The following PTBP3 variants were observed in gnomAD, a reference collection of about 807,000 sequenced individuals.
PTBP3 encodes polypyrimidine tract binding protein 3, also known as polypyrimidine tract-binding protein 3.
PTBP3 carries 20 observed loss-of-function variants against 58.7 expected under a neutral mutation model. The ratio of observed to expected loss-of-function variants is 0.34; its 90% CI spans 0.24 to 0.50. PTBP3 has a LOEUF of 0.50. Among genes scored for constraint, PTBP3 ranks in the 20% least tolerant of loss-of-function variants. PTBP3 has a pLI of 0.98. For missense variants in PTBP3, 509 were observed against 637.2 expected, an observed-to-expected ratio of 0.80 and a Z score of 2.17; for synonymous variants, 185 against 219.8, an observed-to-expected ratio of 0.84 and a Z score of 1.40.
chr9:112,321,475 G>A (rs1325312434), intron 1 of PTBP3, among the ~76,000 whole-genome samples: 2 of 149,700 alleles, frequency 1.3e-5, no homozygotes, highest in African/African-American at 2.5e-5. Context: ...GTTGCAGTAA[G>A]CCAAGATCGC....
At chr9:112,290,707 T>TATACACACAC (rs377603008) in intron 2 of PTBP3, among the ~76,000 whole-genome samples, 4 of 110,920 alleles carry the variant, frequency 3.6e-5, no homozygotes, top group African/African-American at 1.6e-4. Flanking sequence ...TATATATATA[T>TATACACACAC]ACACACACAC....
chr9:112,312,395 A>C (rs1829516070), intron 1 of PTBP3, among the ~76,000 whole-genome samples: 1 of 150,622 alleles, frequency 6.6e-6, no homozygotes, highest in Non-Finnish European at 1.5e-5. Context: ...CTGTTCAAGG[A>C]CTGAGACAAG....
At chr9:112,281,594 C>A (rs1194848806) in intron 2 of PTBP3, among the ~76,000 whole-genome samples, 1 of 152,210 alleles carries the variant, frequency 6.6e-6, no homozygotes, top group African/African-American at 2.4e-5. Flanking sequence ...GTGTTCCCAC[C>A]TCCTTTATAT....
the PTBP3 span, among the ~76,000 whole-genome samples, chr9:112,346,578 G>A: frequency 6.6e-6 from 1 of 152,204 alleles, no homozygotes; most frequent in Admixed American, 6.5e-5. Context: ...CATATACAAT[G>A]AGCAGCTCCA....
Position 112,223,977 on chromosome 9 carries a change from A to G in PTBP3, c.1449T>C (p.Asp483=). The G allele has an allele frequency of 1.9e-6, 3 of 1,611,102 alleles. No homozygotes were observed. The highest frequency in any genetic ancestry group is 1.7e-6 in the Non-Finnish European group (2 of 1,178,600). The stretch of plus-strand genomic sequence containing the variant: ...CCAATTGAATGAGCGCCATTTTGCG[A>G]TCTTTCCTGAAAATGGTATAAGAAA... ...SVKAFKFFQK[D]RKMALIQLGS... Residue 483 remains aspartate, a synonymous_variant, in exon 14 of 14, where the codon GAT becomes GAC. Transcript: ENST00000374257.
chr9:112,264,024 C>T (rs988618785), intron 4 of PTBP3, among the ~76,000 whole-genome samples: 1 of 151,230 alleles, frequency 6.6e-6, no homozygotes, highest in Non-Finnish European at 1.5e-5. Flanking sequence ...TATGAAGGAG[C>T]AGAATTCCTA....
At chr9:112,355,390 CTGAG>C in the PTBP3 span, among the ~76,000 whole-genome samples, 2 of 152,156 alleles carry the variant, frequency 1.3e-5, no homozygotes, top group Admixed American at 6.5e-5. Flanking sequence ...TATCTTCAGA[CTGAG>C]TATCATTTAA....
intron 1 of PTBP3, among the ~76,000 whole-genome samples, chr9:112,300,609 T>A (rs1483161723): frequency 2.0e-5 from 3 of 151,566 alleles, no homozygotes; most frequent in Non-Finnish European, 4.4e-5. Context: ...AAAATCAGCC[T>A]GGCGTGGTGG....
intron 1 of PTBP3, among the ~76,000 whole-genome samples, chr9:112,330,727 A>G (rs1043069362): frequency 6.6e-6 from 1 of 152,204 alleles, no homozygotes; most frequent in Admixed American, 6.5e-5. Context: ...AGGAAAGTAT[A>G]GTCAAACTTC....
At chr9:112,320,291 A>AAAAAAATATATATATATAT (rs1411646280) in intron 1 of PTBP3, among the ~76,000 whole-genome samples, 36 of 73,508 alleles carry the variant, frequency 4.9e-4, no homozygotes, top group African/African-American at 2.9e-3. Context: ...AAAAAAAAAA[A>AAAAAAATATATATATATAT]ATATATATAT....
intron 2 of PTBP3, among the ~76,000 whole-genome samples, chr9:112,283,082 T>G (rs1218043751): frequency 6.6e-6 from 1 of 152,248 alleles, no homozygotes; most frequent in Non-Finnish European, 1.5e-5. Flanking sequence ...TCGCCTGCCA[T>G]GTGAAACTAT....
intron 11 of PTBP3, among the ~76,000 whole-genome samples, chr9:112,228,064 A>T (rs10981321): frequency 2.8e-4 from 42 of 152,316 alleles, no homozygotes; most frequent in African/African-American, 1.0e-3. Flanking sequence ...GTTACAGAAA[A>T]CTTAATTTGG....
At chr9:112,322,288 C>G (rs552464752) in intron 1 of PTBP3, among the ~76,000 whole-genome samples, 1 of 152,274 alleles carries the variant, frequency 6.6e-6, no homozygotes, top group African/African-American at 2.4e-5. Context: ...TTAGTCCAAT[C>G]TAGGGAATGG....
At chr9:112,234,609 T>A (rs1835370656) in intron 8 of PTBP3, among the ~76,000 whole-genome samples, 1 of 152,238 alleles carries the variant, frequency 6.6e-6, no homozygotes, top group African/African-American at 2.4e-5. Flanking sequence ...GAACACATAC[T>A]GATTACTGGA....
intron 1 of PTBP3, among the ~76,000 whole-genome samples, chr9:112,331,082 A>ACACACACAC (rs1830350076): frequency 7.2e-6 from 1 of 139,434 alleles, no homozygotes. Context: ...GGAGGAAACG[A>ACACACACAC]ACACACACAC....
chr9:112,220,285 G>A lies in PTBP3; in HGVS notation c.*3566C>T, dbSNP rs1488169530. On this transcript the variant is annotated 3_prime_UTR_variant, in exon 14 of 14. Coordinates refer to ENST00000374257, the MANE Select transcript of PTBP3 (RefSeq NM_001163788.4). Reference sequence around the variant, plus strand: ...ACGGAGACACTGAAAAGAACAGAGAGCCAGGCGTGGTGGCTCATGCCTGTA... The same window carrying A: ...ACGGAGACACTGAAAAGAACAGAGAACCAGGCGTGGTGGCTCATGCCTGTA... 1 of 1,324,580 alleles carries A rather than the reference G, an allele frequency of 7.5e-7. No homozygotes were observed. Among genetic ancestry groups the A allele is most frequent in the Non-Finnish European group, 9.9e-7 (1 of 1,008,258 alleles). The allele number at this position is 1,324,580 out of a possible 1,614,324, so 82.1% of individuals were successfully genotyped here. A position where few individuals can be genotyped will look rare whatever the true frequency, so the allele number is the denominator to read the frequency against.
At chr9:112,312,184 T>A (rs553342407) in intron 1 of PTBP3, among the ~76,000 whole-genome samples, 1 of 151,918 alleles carries the variant, frequency 6.6e-6, no homozygotes, top group Non-Finnish European at 1.5e-5. Flanking sequence ...AACTTTACAA[T>A]GGAAAAGCCT....
chr9:112,376,397 G>C, the PTBP3 span, among the ~76,000 whole-genome samples: 2 of 151,284 alleles, frequency 1.3e-5, no homozygotes, highest in Admixed American at 1.3e-4. Flanking sequence ...GGGACTACAG[G>C]TGTGTGCTAC....
intron 4 of PTBP3, among the ~76,000 whole-genome samples, chr9:112,267,420 G>C (rs1018864405): frequency 1.3e-5 from 2 of 151,982 alleles, no homozygotes; most frequent in Non-Finnish European, 2.9e-5. Flanking sequence ...ACCCGCCTCG[G>C]CCTCCCAAAC....
Sources: gnomAD v4.1 joint callset for allele counts (sites outside exome capture counted in the v4.1 genomes callset) on GRCh38, gnomAD v4.1.1 for gene constraint, MANE v1.5 for transcripts, NCBI Gene and HGNC (gene_info 2026-07-23, HGNC 2026-07-21) for gene names.